The following LRP12 variants were observed in gnomAD, a reference collection of about 807,000 sequenced individuals.
LRP12 encodes the protein LDL receptor related protein 12.
LRP12 carries 14 observed loss-of-function variants against 66.0 expected under a neutral mutation model. The ratio of observed to expected loss-of-function variants is 0.21; its 90% CI spans 0.14 to 0.33. LRP12 has a LOEUF of 0.33. LRP12 is among the 10% of genes least tolerant of loss of function. LRP12 has a pLI of 1.00. For missense variants in LRP12, 889 were observed against 1,053.4 expected, an observed-to-expected ratio of 0.84 and a Z score of 2.16; for synonymous variants, 357 against 359.1, an observed-to-expected ratio of 0.99 and a Z score of 0.07.
intron 1 of LRP12, among the ~76,000 whole-genome samples, chr8:104,540,954 G>A (rs1811466965): frequency 6.6e-6 from 1 of 151,992 alleles, no homozygotes; most frequent in African/African-American, 2.4e-5. Context: ...GGATGGTCTC[G>A]ATCTCCTGAC....
At chr8:104,587,151 AG>A in intron 1 of LRP12, among the ~76,000 whole-genome samples, 1 of 152,354 alleles carries the variant, frequency 6.6e-6, no homozygotes, top group East Asian at 1.9e-4. Flanking sequence ...ATGAAAGAAG[AG>A]CCCATTTATT....
intron 1 of LRP12, among the ~76,000 whole-genome samples, chr8:104,568,125 T>C (rs1812032227): frequency 6.6e-6 from 1 of 152,184 alleles, no homozygotes; most frequent in Admixed American, 6.5e-5. Context: ...CTCATTAATT[T>C]CAGCCAGTTG....
chr8:104,523,605 G>C (rs996836506), intron 2 of LRP12, among the ~76,000 whole-genome samples: 2 of 152,150 alleles, frequency 1.3e-5, no homozygotes, highest in Admixed American at 6.5e-5. Context: ...GTGTGTCACA[G>C]TACAATGTGA....
intron 1 of LRP12, among the ~76,000 whole-genome samples, chr8:104,559,697 T>A (rs1487049182): frequency 6.6e-6 from 1 of 152,128 alleles, no homozygotes; most frequent in African/African-American, 2.4e-5. Context: ...AAAAAAAGGA[T>A]ATCTCTCTAT....
At chr8:104,507,685 T>G (rs1293634911) in intron 3 of LRP12, 1 of 152,154 alleles carries the variant, frequency 6.6e-6, no homozygotes, top group Non-Finnish European at 1.5e-5. Context: ...AAGATAACCT[T>G]AATGGTGCAT....
chr8:104,530,066 T>C (rs1483871424), intron 2 of LRP12, among the ~76,000 whole-genome samples: 1 of 150,068 alleles, frequency 6.7e-6, no homozygotes. Flanking sequence ...GTTCTTATTG[T>C]TTTTTGTTTT....
intron 1 of LRP12, among the ~76,000 whole-genome samples, chr8:104,537,731 C>T (rs1437596477): frequency 6.6e-6 from 1 of 152,100 alleles, no homozygotes; most frequent in Non-Finnish European, 1.5e-5. Flanking sequence ...TATGACCTAA[C>T]AATTCCACAA....
intron 2 of LRP12, among the ~76,000 whole-genome samples, chr8:104,515,724 T>C (rs1811064208): frequency 1.3e-5 from 2 of 152,280 alleles, no homozygotes; most frequent in African/African-American, 4.8e-5. Flanking sequence ...TATAGACTGA[T>C]TGTAATTGTA....
At chr8:104,522,461 C>T (rs1017598672) in intron 2 of LRP12, among the ~76,000 whole-genome samples, 5 of 152,120 alleles carry the variant, frequency 3.3e-5, no homozygotes, top group South Asian at 2.1e-4. Context: ...AATATGAATA[C>T]GGATTAAGAA....
Position 104,589,227 on chromosome 8 carries a change from T to G in LRP12, c.-330A>C, listed in dbSNP as rs1469215768. ...ACGCCGGACTCCGGCCTCGCGCCGC[T>G]CGGGCTAGCCGGCGCCGCCACTCGC... is the stretch of plus-strand genomic sequence containing the variant. On this transcript the variant is annotated 5_prime_UTR_variant, in exon 1 of 7. Transcript: ENST00000276654. 6.6e-6 allele frequency among the ~76,000 whole-genome samples: 1 copy of G among 151,178 alleles called. No individual in the cohort carries two copies. Among genetic ancestry groups the G allele is most frequent in the Non-Finnish European group, 1.5e-5 (1 of 67,688 alleles).
intron 1 of LRP12, among the ~76,000 whole-genome samples, chr8:104,533,911 G>T (rs552565960): frequency 6.6e-6 from 1 of 152,036 alleles, no homozygotes; most frequent in African/African-American, 2.4e-5. Context: ...TGAAGATTGT[G>T]GATTCTGAGC....
intron 1 of LRP12, among the ~76,000 whole-genome samples, chr8:104,557,689 T>C (rs777822137): frequency 1.3e-5 from 2 of 152,158 alleles, no homozygotes; most frequent in Non-Finnish European, 2.9e-5. Context: ...AAAATGACCA[T>C]ACTGCCAAAA....
At chr8:104,512,094 C>G (rs781261080) in intron 2 of LRP12, among the ~76,000 whole-genome samples, 1 of 152,134 alleles carries the variant, frequency 6.6e-6, no homozygotes, top group Non-Finnish European at 1.5e-5. Flanking sequence ...AAAAAGATAG[C>G]TAAGTTATTT....
intron 1 of LRP12, among the ~76,000 whole-genome samples, chr8:104,535,170 GT>G (rs1564138110): frequency 1.3e-5 from 2 of 151,950 alleles, no homozygotes; most frequent in South Asian, 4.1e-4. Flanking sequence ...TCAGAAAATA[GT>G]TTGTTATAAC....
At chr8:104,582,381 A>T (rs971591690) in intron 1 of LRP12, among the ~76,000 whole-genome samples, 6 of 137,712 alleles carry the variant, frequency 4.4e-5, no homozygotes, top group Admixed American at 7.1e-5. Flanking sequence ...GCTACACAAT[A>T]AAAAAAAAAG....
intron 1 of LRP12, among the ~76,000 whole-genome samples, chr8:104,573,955 T>C (rs1812121683): frequency 6.6e-6 from 1 of 152,160 alleles, no homozygotes; most frequent in Admixed American, 6.5e-5. Flanking sequence ...AATATATCAT[T>C]AGCAAGGTGG....
At chr8:104,569,175 C>T (rs1485938223) in intron 1 of LRP12, among the ~76,000 whole-genome samples, 1 of 151,822 alleles carries the variant, frequency 6.6e-6, no homozygotes, top group Non-Finnish European at 1.5e-5. Context: ...CACAAAAGAC[C>T]AAATATTGTA....
chr8:104,529,090 T>A (rs1811288947), intron 2 of LRP12, among the ~76,000 whole-genome samples: 1 of 152,178 alleles, frequency 6.6e-6, no homozygotes, highest in Non-Finnish European at 1.5e-5. Flanking sequence ...CATCAGAACG[T>A]AACTGGATTT....
chr8:104,547,100 T>A (rs1051465911), intron 1 of LRP12, among the ~76,000 whole-genome samples: 4 of 144,932 alleles, frequency 2.8e-5, no homozygotes, highest in African/African-American at 1.0e-4. Context: ...ATAGTTTGTA[T>A]ATAATATATA....
Sources: allele counts gnomAD v4.1 joint callset (sites outside exome capture counted in the v4.1 genomes callset), GRCh38; gene constraint gnomAD v4.1.1; transcripts MANE v1.5; gene names NCBI Gene and HGNC (gene_info 2026-07-23, HGNC 2026-07-21).